The following EPHB2 variants were observed in gnomAD, a reference collection of about 807,000 sequenced individuals.
EPHB2 encodes EPH receptor B2.
A neutral mutation model predicts 96.4 loss-of-function variants in EPHB2; 18 were observed. The ratio of observed to expected loss-of-function variants is 0.19; its 90% CI spans 0.13 to 0.28. The LOEUF is 0.28. EPHB2 is among the 10% of genes least tolerant of loss of function. The pLI is 1.00. For synonymous variants in EPHB2, 506 were observed against 534.1 expected, an observed-to-expected ratio of 0.95 and a Z score of 0.72; for missense variants, 989 against 1,355.4, an observed-to-expected ratio of 0.73 and a Z score of 4.25.
chr1:22,913,388 C>T lies in EPHB2; in HGVS notation c.2853-74C>T. 6.4e-7 allele frequency: 1 copy of T among 1,574,444 alleles called. No homozygotes were observed. ...TTTGCCATCTTCCTCCCGGGGAAGC[C>T]CAGGCAGCTCTCTACCAGGCACAGG... On this transcript the variant is annotated intron_variant, in intron 15 of 15. Transcript: ENST00000374630. The surrounding 1 kb of genome is among the most constrained non-coding windows in gnomAD (Gnocchi z 4.1).
chr1:22,723,485 G>A (rs965642483), intron 1 of EPHB2, among the ~76,000 whole-genome samples: 15 of 152,244 alleles, frequency 9.9e-5, no homozygotes, highest in African/African-American at 3.6e-4. Flanking sequence ...CTGACACTGG[G>A]TGCCCCTGGC....
At position 22,910,592 on chromosome 1, in the gene EPHB2, G is replaced by GCCCTGCCCCAGCCAGGCCCTGC. The variant is rs1553178094; in HGVS notation, c.2696+22_2696+43dup. The GCCCTGCCCCAGCCAGGCCCTGC allele has an allele frequency of 5.2e-3, 8,392 of 1,613,250 alleles. 393 individuals are homozygous for GCCCTGCCCCAGCCAGGCCCTGC. In the African/African-American group the frequency reaches 0.098, roughly 19 times the overall value. On this transcript the variant is annotated intron_variant, in intron 14 of 15. Transcript: ENST00000374630. ...CTCCTCTGGGTAAGGCCCCACCCTG[G>GCCCTGCCCCAGCCAGGCCCTGC]CCCTGCCCCAGCCAGGCCCTGCCCC... is the stretch of plus-strand genomic sequence containing the variant.
At chr1:22,862,931 T>A in intron 3 of EPHB2, 106 bp from the exon 4 acceptor site, 3 of 1,421,766 alleles carry the variant, frequency 2.1e-6, no homozygotes, top group South Asian at 1.2e-5. Flanking sequence ...TGGTGCTGCA[T>A]GGCCCCTCCG....
chr1:22,754,335 T>C lies in EPHB2; in HGVS notation c.62-27086T>C, dbSNP rs955453532. Among the ~76,000 whole-genome samples the C allele has an allele frequency of 3.9e-5, 6 of 152,078 alleles. No homozygotes were observed. In the South Asian group the frequency reaches 1.0e-3, roughly 26 times the overall value. On this transcript the variant is annotated intron_variant, in intron 1 of 15. Coordinates refer to ENST00000374630, the MANE Select transcript of EPHB2 (RefSeq NM_017449.5). Reference sequence around the variant, plus strand: ...ATGACTCACTTTTCTATTTCCTGGGTAAATGTATGAAGACAGAAAGTCCAT... The same window carrying C: ...ATGACTCACTTTTCTATTTCCTGGGCAAATGTATGAAGACAGAAAGTCCAT...
chr1:22,904,803 C>CCT (rs1639856611), intron 9 of EPHB2, among the ~76,000 whole-genome samples: 1 of 152,210 alleles, frequency 6.6e-6, no homozygotes, highest in African/African-American at 2.4e-5. Context: ...TGCTCTAATG[C>CCT]CTAGATTCCT....
chr1:22,845,694 T>C (rs185166532), intron 3 of EPHB2, among the ~76,000 whole-genome samples: 6 of 152,010 alleles, frequency 3.9e-5, no homozygotes, highest in African/African-American at 1.4e-4. Flanking sequence ...TCTGCTTTGA[T>C]TCTCTCTCTC....
At chr1:22,749,503 G>A (rs1207568093) in intron 1 of EPHB2, among the ~76,000 whole-genome samples, 1 of 152,242 alleles carries the variant, frequency 6.6e-6, no homozygotes. Flanking sequence ...GAAGGATTCA[G>A]ACCAAGGTGT....
At chr1:22,826,593 T>C (rs1645227482) in intron 3 of EPHB2, among the ~76,000 whole-genome samples, 1 of 152,194 alleles carries the variant, frequency 6.6e-6, no homozygotes, top group Non-Finnish European at 1.5e-5. Context: ...AAAAGACCAT[T>C]TCCGTTTCTA....
At chr1:22,745,890 A>G (rs930240212) in intron 1 of EPHB2, among the ~76,000 whole-genome samples, 3 of 151,888 alleles carry the variant, frequency 2.0e-5, no homozygotes, top group African/African-American at 7.3e-5. Context: ...TTCTGTGACA[A>G]TCTGCAGCTT....
chr1:22,782,025 C>T (rs1202704456), intron 2 of EPHB2, among the ~76,000 whole-genome samples: 2 of 152,034 alleles, frequency 1.3e-5, no homozygotes, highest in African/African-American at 2.4e-5. Context: ...ACACAAAGCT[C>T]CCCCTCCTTT....
intron 1 of EPHB2, among the ~76,000 whole-genome samples, chr1:22,758,197 C>T (rs1463327572): frequency 6.6e-6 from 1 of 151,140 alleles, no homozygotes; most frequent in Admixed American, 6.6e-5. Context: ...GGATTACAGG[C>T]GTGAGCCACC....
At chr1:22,786,191 C>T (rs1376802662) in intron 3 of EPHB2, among the ~76,000 whole-genome samples, 3 of 152,192 alleles carry the variant, frequency 2.0e-5, no homozygotes, top group African/African-American at 7.2e-5. Context: ...GTAAAACCCT[C>T]CTTCCTAGGC....
chr1:22,742,689 A>G (rs899409970), intron 1 of EPHB2, among the ~76,000 whole-genome samples: 3 of 149,356 alleles, frequency 2.0e-5, no homozygotes, highest in Non-Finnish European at 4.5e-5. Flanking sequence ...TATTTTTTGT[A>G]GAGGGGACTC....
intron 1 of EPHB2, among the ~76,000 whole-genome samples, chr1:22,757,228 C>A (rs1644165361): frequency 6.6e-6 from 1 of 151,982 alleles, no homozygotes; most frequent in African/African-American, 2.4e-5. Flanking sequence ...TTGAGTCATT[C>A]TCTGCTGAGA....
chr1:22,901,393 A>G lies in EPHB2; in HGVS notation c.1766-4594A>G, dbSNP rs1306474283. 2.0e-5 allele frequency among the ~76,000 whole-genome samples: 3 copies of G among 152,186 alleles called. No individual in the cohort carries two copies. The East Asian group carries it at 5.8e-4, about 29-fold the overall frequency. ...AACACAGTGGTTGATCCTGGCTTCAAACTCACAAAGCAGCTGATTTGTGAC... is the reference window on the plus strand; with the variant it reads ...AACACAGTGGTTGATCCTGGCTTCAGACTCACAAAGCAGCTGATTTGTGAC... On this transcript the variant is annotated intron_variant, in intron 9 of 15. Transcript: ENST00000374630.
At chr1:22,811,893 G>A (rs1488503318) in intron 3 of EPHB2, among the ~76,000 whole-genome samples, 1 of 152,210 alleles carries the variant, frequency 6.6e-6, no homozygotes, top group Non-Finnish European at 1.5e-5. Context: ...TTAAAAACCA[G>A]ACAGACATGA....
intron 1 of EPHB2, among the ~76,000 whole-genome samples, chr1:22,725,975 G>A (rs1240984674): frequency 2.6e-5 from 4 of 152,166 alleles, no homozygotes; most frequent in African/African-American, 7.2e-5. Context: ...AGCACACTCC[G>A]TCTCCTCCAG....
At chr1:22,908,942 G>A in intron 12 of EPHB2, 80 bp from the exon 13 acceptor site, 1 of 1,587,110 alleles carries the variant, frequency 6.3e-7, no homozygotes, top group Non-Finnish European at 8.6e-7. Flanking sequence ...GGCATCACAG[G>A]GCACAGGGTG....
intron 5 of EPHB2, among the ~76,000 whole-genome samples, chr1:22,874,231 T>A (rs754774551): frequency 3.3e-5 from 5 of 152,214 alleles, no homozygotes; most frequent in Non-Finnish European, 7.3e-5. Flanking sequence ...CTAATCACTT[T>A]ACAAACAGGT....
Sources: allele counts gnomAD v4.1 joint callset (sites outside exome capture counted in the v4.1 genomes callset), GRCh38; gene constraint gnomAD v4.1.1; non-coding constraint Gnocchi (gnomAD v3.1); transcripts MANE v1.5; gene names NCBI Gene and HGNC (gene_info 2026-07-23, HGNC 2026-07-21).